HNF4G: variants seen among roughly 807,000 people sequenced by gnomAD.
The protein encoded by HNF4G is hepatocyte nuclear factor 4 gamma, also known as hepatocyte nuclear factor 4-gamma.
In HNF4G, 21 loss-of-function variants were observed where a neutral mutation model predicts 50.9. The ratio of observed to expected loss-of-function variants is 0.41; its 90% CI spans 0.29 to 0.59. HNF4G has a LOEUF of 0.59. HNF4G is among the 20% of genes least tolerant of loss of function. The pLI is 0.26. For synonymous variants in HNF4G, 198 were observed against 185.6 expected, an observed-to-expected ratio of 1.07 and a Z score of -0.54; for missense variants, 527 against 559.4, an observed-to-expected ratio of 0.94 and a Z score of 0.58.
chr8:75,475,033 G>A (rs963096407), intron 1 of HNF4G, among the ~76,000 whole-genome samples: 4 of 141,410 alleles, frequency 2.8e-5, no homozygotes, highest in African/African-American at 1.1e-4. Flanking sequence ...TTTTGAGACG[G>A]AGTCTTGCTC....
chr8:75,511,948 G>A (rs1805766043), intron 2 of HNF4G, among the ~76,000 whole-genome samples: 1 of 151,926 alleles, frequency 6.6e-6, no homozygotes, highest in Non-Finnish European at 1.5e-5. Flanking sequence ...TTGTTCCTTT[G>A]GTGCAAGGAA....
At chr8:75,514,642 C>T (rs940731165) in intron 2 of HNF4G, among the ~76,000 whole-genome samples, 7 of 152,168 alleles carry the variant, frequency 4.6e-5, no homozygotes, top group African/African-American at 1.7e-4. Context: ...TGAGCCACTG[C>T]ACCCGGCCCA....
chr8:75,444,766 C>A (rs1446637021), intron 1 of HNF4G, among the ~76,000 whole-genome samples: 2,712 of 89,194 alleles, frequency 0.03, 47 homozygotes, highest in Non-Finnish European at 0.041. Flanking sequence ...CAGGAGCACC[C>A]AGATTCATAA....
chr8:75,458,260 C>T (rs568216846), intron 1 of HNF4G, among the ~76,000 whole-genome samples: 19 of 151,802 alleles, frequency 1.3e-4, no homozygotes, highest in African/African-American at 4.6e-4. Context: ...GGTTAAATAC[C>T]CCGTCTTGGA....
At chr8:75,544,228 A>G (rs1806705640) in intron 2 of HNF4G, among the ~76,000 whole-genome samples, 2 of 152,134 alleles carry the variant, frequency 1.3e-5, no homozygotes, top group Admixed American at 6.6e-5. Context: ...CCCAGCTTAG[A>G]CCAATATAGT....
intron 2 of HNF4G, among the ~76,000 whole-genome samples, chr8:75,544,650 G>T (rs1345782679): frequency 8.3e-5 from 12 of 145,152 alleles, no homozygotes; most frequent in South Asian, 2.2e-4. Context: ...GTTTTCTTGG[G>T]TTTTTTTTTT....
At chr8:75,468,051 A>G (rs936044044) in intron 1 of HNF4G, among the ~76,000 whole-genome samples, 1 of 152,224 alleles carries the variant, frequency 6.6e-6, no homozygotes, top group Non-Finnish European at 1.5e-5. Context: ...GTAATGTTCC[A>G]TACAAATAAT....
At position 75,551,399 on chromosome 8, in the gene HNF4G, G is replaced by A; in HGVS notation, c.394G>A (p.Glu132Lys). 2 of 1,606,296 alleles carry A rather than the reference G, an allele frequency of 1.2e-6. No individual in the cohort carries two copies. The highest frequency in any genetic ancestry group is 1.7e-6 in the Non-Finnish European group (2 of 1,173,272). The change falls in exon 4 of 10, where the codon GAA becomes AAA. Residue 132 changes from glutamate to lysine, a missense_variant. Coordinates refer to ENST00000396423, the MANE Select transcript of HNF4G (RefSeq NM_004133.5). ...TTTTTTCCCCCTAGCTGTACAAAAT[G>A]AACGTGACAGAATAAGCACCAGAAG... ...AGMKKEAVQNERDRISTRRST... is the reference protein window; with the variant it reads ...AGMKKEAVQNKRDRISTRRST...
intron 2 of HNF4G, among the ~76,000 whole-genome samples, chr8:75,518,647 C>T (rs1293388213): frequency 1.3e-5 from 2 of 152,190 alleles, no homozygotes; most frequent in African/African-American, 4.8e-5. Context: ...ATGGCCTGAG[C>T]TCTATGTTGG....
At chr8:75,519,839 C>CGTGTGTGT (rs35154891) in intron 2 of HNF4G, among the ~76,000 whole-genome samples, 1 of 149,818 alleles carries the variant, frequency 6.7e-6, no homozygotes, top group Admixed American at 6.7e-5. Flanking sequence ...TGCATGTGAG[C>CGTGTGTGT]GTGTGTGTGT....
chr8:75,486,985 G>A (rs568868031), intron 1 of HNF4G, among the ~76,000 whole-genome samples: 1 of 152,058 alleles, frequency 6.6e-6, no homozygotes, highest in Admixed American at 6.5e-5. Flanking sequence ...CAGCATGTGC[G>A]ACAGAGCGAG....
At chr8:75,507,510 T>C (rs1805625029) in intron 2 of HNF4G, among the ~76,000 whole-genome samples, 1 of 152,184 alleles carries the variant, frequency 6.6e-6, no homozygotes, top group East Asian at 1.9e-4. Flanking sequence ...CCACCTGCCT[T>C]GGCCTCCCAG....
intron 1 of HNF4G, among the ~76,000 whole-genome samples, chr8:75,414,013 T>A (rs1810569018): frequency 1.3e-5 from 2 of 152,176 alleles, no homozygotes; most frequent in African/African-American, 4.8e-5. Flanking sequence ...TAAGTCAGGT[T>A]TATTGAGATA....
chr8:75,538,385 T>C (rs146760835), upstream of HNF4G, among the ~76,000 whole-genome samples: 8 of 152,318 alleles, frequency 5.3e-5, no homozygotes, highest in East Asian at 1.4e-3. Flanking sequence ...ACATTTCTTT[T>C]AGTGTTTTCC....
At chr8:75,479,237 A>C (rs1466760328) in intron 1 of HNF4G, among the ~76,000 whole-genome samples, 1 of 152,214 alleles carries the variant, frequency 6.6e-6, no homozygotes. Flanking sequence ...ATTTATCTAA[A>C]GGAATAAAAA....
intron 2 of HNF4G, among the ~76,000 whole-genome samples, chr8:75,508,694 G>C (rs1367567182): frequency 6.6e-6 from 1 of 152,084 alleles, no homozygotes; most frequent in East Asian, 1.9e-4. Context: ...TGTAGTAAGG[G>C]GAAAGACAGG....
intron 2 of HNF4G, among the ~76,000 whole-genome samples, chr8:75,504,846 A>G (rs904136016): frequency 8.5e-5 from 13 of 152,186 alleles, no homozygotes; most frequent in African/African-American, 2.9e-4. Flanking sequence ...GATTTTATAC[A>G]GTGAATTGTG....
intron 2 of HNF4G, among the ~76,000 whole-genome samples, chr8:75,494,300 GCACACACACACACACACACACACACA>G (rs755362411): frequency 1.3e-5 from 1 of 77,264 alleles, no homozygotes; most frequent in Non-Finnish European, 2.4e-5. Flanking sequence ...CTCCCATACA[GCACACACACACACACACACACACACA>G]CACACACACA....
chr8:75,475,500 A>G (rs1812221537), intron 1 of HNF4G, among the ~76,000 whole-genome samples: 1 of 152,146 alleles, frequency 6.6e-6, no homozygotes, highest in Non-Finnish European at 1.5e-5. Context: ...GTGTGCGTGT[A>G]TTTATATTTA....
Sources: gnomAD v4.1 joint callset for allele counts (sites outside exome capture counted in the v4.1 genomes callset) on GRCh38, gnomAD v4.1.1 for gene constraint, MANE v1.5 for transcripts, NCBI Gene and HGNC (gene_info 2026-07-23, HGNC 2026-07-21) for gene names.